Variants in DST observed in about 807,000 individuals in gnomAD.
The protein encoded by DST is bullous pemphigoid antigen.
DST carries 253 observed loss-of-function variants against 875.2 expected under a neutral mutation model. The ratio of observed to expected loss-of-function variants is 0.29; its 90% CI spans 0.26 to 0.32. DST has a LOEUF of 0.32. Ranked by LOEUF, DST falls within the 10% of genes least tolerant of loss-of-function variation. The pLI is 1.00. For missense variants in DST, 8,287 were observed against 9,111.6 expected, an observed-to-expected ratio of 0.91 and a Z score of 3.68; for synonymous variants, 3,124 against 3,197.1, an observed-to-expected ratio of 0.98 and a Z score of 0.77.
At chr6:56,569,634 A>G (rs1328110303) in intron 54 of DST, among the ~76,000 whole-genome samples, 12 of 152,208 alleles carry the variant, frequency 7.9e-5, no homozygotes, top group Admixed American at 7.9e-4. Context: ...GCAACTCATT[A>G]ATTCACCTTT....
chr6:56,755,632 A>G (rs1017939722), intron 4 of DST, among the ~76,000 whole-genome samples: 1 of 152,204 alleles, frequency 6.6e-6, no homozygotes, highest in African/African-American at 2.4e-5. Flanking sequence ...ACTAGCTCAG[A>G]GACTGACTTT....
At chr6:56,689,213 T>G (rs1292950176) in intron 9 of DST, among the ~76,000 whole-genome samples, 1 of 152,132 alleles carries the variant, frequency 6.6e-6, no homozygotes, top group Non-Finnish European at 1.5e-5. Context: ...ATAGCATTAT[T>G]ATTAGCAGTA....
At chr6:56,687,139 C>T (rs1563680093) in intron 9 of DST, among the ~76,000 whole-genome samples, 1 of 152,192 alleles carries the variant, frequency 6.6e-6, no homozygotes, top group Admixed American at 6.6e-5. Context: ...GTCAAATGTT[C>T]TTCTGTGCAG....
intron 63 of DST, among the ~76,000 whole-genome samples, chr6:56,534,687 A>G (rs1478433731): frequency 6.6e-6 from 1 of 152,094 alleles, no homozygotes; most frequent in Non-Finnish European, 1.5e-5. Context: ...ACCTCCCTTC[A>G]TGACCCTATT....
At chr6:56,910,234 A>G (rs1039346099) in intron 2 of DST, among the ~76,000 whole-genome samples, 1 of 152,144 alleles carries the variant, frequency 6.6e-6, no homozygotes, top group Non-Finnish European at 1.5e-5. Flanking sequence ...TGGTGTGATC[A>G]TAGCTCACTG....
intron 4 of DST, among the ~76,000 whole-genome samples, chr6:56,820,178 A>G (rs2099771409): frequency 6.6e-6 from 1 of 152,234 alleles, no homozygotes; most frequent in African/African-American, 2.4e-5. Flanking sequence ...TATGTGATTC[A>G]ACTATAGCAA....
intron 3 of DST, among the ~76,000 whole-genome samples, chr6:56,880,314 C>A (rs1388472897): frequency 3.3e-5 from 5 of 152,164 alleles, no homozygotes; most frequent in Non-Finnish European, 7.3e-5. Flanking sequence ...TAATTCTTCT[C>A]ATTACTAAAG....
At chr6:56,665,988 T>TG (rs1335729595) in intron 10 of DST, among the ~76,000 whole-genome samples, 1 of 152,254 alleles carries the variant, frequency 6.6e-6, no homozygotes, top group Admixed American at 6.5e-5. Flanking sequence ...ACTTTGTGAC[T>TG]GTTACTTACT....
At chr6:56,504,452 G>A (rs1035232530) in intron 77 of DST, among the ~76,000 whole-genome samples, 14 of 151,974 alleles carry the variant, frequency 9.2e-5, no homozygotes, top group African/African-American at 3.1e-4. Context: ...ATACTGAAAG[G>A]AAAAGATTCA....
At chr6:56,572,686 A>C in intron 52 of DST, 61 bp downstream of exon 52, 1 of 1,248,330 alleles carries the variant, frequency 8.0e-7, no homozygotes, top group Non-Finnish European at 1.1e-6. Flanking sequence ...CACTAAGTAT[A>C]TGAGTTTGCC....
chr6:56,673,324 C>T (rs1216880129), intron 9 of DST, among the ~76,000 whole-genome samples: 1 of 151,822 alleles, frequency 6.6e-6, no homozygotes, highest in African/African-American at 2.4e-5. Flanking sequence ...TCTCTATAAC[C>T]CTTTAAAAAT....
intron 4 of DST, chr6:56,843,013 A>G: frequency 1.5e-6 from 2 of 1,376,880 alleles, no homozygotes; most frequent in Non-Finnish European, 1.9e-6. Context: ...TGCCTCTCTG[A>G]TCAGTGCCAA....
At chr6:56,730,382 G>A (rs148465682) in intron 5 of DST, among the ~76,000 whole-genome samples, 18 of 151,894 alleles carry the variant, frequency 1.2e-4, no homozygotes, top group African/African-American at 4.1e-4. Flanking sequence ...CCCATTCCCC[G>A]AGAAAAGCAA....
chr6:56,617,992 G>A lies in DST; in HGVS notation c.4930-3508C>T, dbSNP rs758737887. Reference sequence around the variant, plus strand: ...CTCAGAACACAGAGTATACCTCTAAGGGTGTCAAAACCTTCACCAGTTCCA... The same window carrying A: ...CTCAGAACACAGAGTATACCTCTAAAGGTGTCAAAACCTTCACCAGTTCCA... On this transcript the variant is annotated intron_variant, in intron 36 of 103. Transcript: ENST00000680361. 7.4e-6 allele frequency: 12 copies of A among 1,613,004 alleles called. No homozygotes were observed. The Admixed American group carries it at 1.8e-4, about 25-fold the overall frequency.
intron 3 of DST, among the ~76,000 whole-genome samples, chr6:56,852,287 AAACAAACATCTG>A (rs1765659583): frequency 6.6e-6 from 1 of 152,248 alleles, no homozygotes. Context: ...CAGCACCAAT[AAACAAACATCTG>A]AACTCGGTTT....
Position 56,603,877 on chromosome 6 carries a change from C to G in DST, c.10751G>C (p.Gly3584Ala). 1 of 1,611,432 alleles carries G rather than the reference C, an allele frequency of 6.2e-7. No homozygotes were observed. Among genetic ancestry groups the G allele is most frequent in the Non-Finnish European group, 8.5e-7 (1 of 1,178,700 alleles). Residue 3584 changes from glycine (G) to alanine (A), a missense_variant, in exon 40 of 104, where the codon GGG (glycine) becomes GCG (alanine). Coordinates refer to ENST00000680361, the MANE Select transcript of DST (RefSeq NM_001374736.1). ...DFPSHLECTS[G>A]SKEMASGDSS... ...ATCTCCAGAAGCCATCTCTTTAGACCCTGAAGTACATTCCAAATGGCTTGG... is the reference window on the plus strand; with the variant it reads ...ATCTCCAGAAGCCATCTCTTTAGACGCTGAAGTACATTCCAAATGGCTTGG...
At chr6:56,611,629 C>T in intron 37 of DST, 33 bp from the exon 38 acceptor site, 6 of 1,407,762 alleles carry the variant, frequency 4.3e-6, no homozygotes, top group South Asian at 3.6e-5. Flanking sequence ...TCAAACTCTT[C>T]CTCCAAAAGG....
chr6:56,604,178 CT>C lies in DST; in HGVS notation c.10449del (p.Val3484TyrfsTer22). On this transcript the variant is annotated frameshift_variant, in exon 40 of 104. Transcript: ENST00000680361. LOFTEE classifies it high-confidence loss of function. ...ATATTTTCAAGCTGCAGTGGAAGTA[CT>C]TTAGACGTAATGCCTCTTTTCTCTA... Reference protein sequence around the residue: ...YDLEKRGITSKVLPLQLENIF... With the variant: ...YDLEKRGITSXVLPLQLENIF... The C allele has an allele frequency of 6.3e-7, 1 of 1,599,944 alleles. No individual in the cohort carries two copies. The highest frequency in any genetic ancestry group is 8.5e-7 in the Non-Finnish European group (1 of 1,172,010).
intron 4 of DST, among the ~76,000 whole-genome samples, chr6:56,748,592 A>C (rs751934821): frequency 5.3e-5 from 8 of 152,246 alleles, no homozygotes; most frequent in Non-Finnish European, 1.0e-4. Context: ...ATTCTTATCC[A>C]GAACATGCAA....
Sources: allele counts gnomAD v4.1 joint callset (sites outside exome capture counted in the v4.1 genomes callset), GRCh38; gene constraint gnomAD v4.1.1; transcripts MANE v1.5; gene names NCBI Gene and HGNC (gene_info 2026-07-23, HGNC 2026-07-21).